TBX15: variants seen among roughly 807,000 people sequenced by gnomAD.
The protein encoded by TBX15 is T-box transcription factor TBX15.
Under a neutral mutation model 53.9 loss-of-function variants are expected in TBX15, and 18 were observed. The ratio of observed to expected loss-of-function variants is 0.33; its 90% CI spans 0.23 to 0.49. The LOEUF (loss-of-function observed/expected upper bound fraction) is 0.49. Among genes scored for constraint, TBX15 ranks in the 20% least tolerant of loss-of-function variants. The pLI is 0.98. For synonymous variants in TBX15, 295 were observed against 278.0 expected, an observed-to-expected ratio of 1.06 and a Z score of -0.61; for missense variants, 692 against 749.5, an observed-to-expected ratio of 0.92 and a Z score of 0.90.
chr1:118,957,805 C>T (rs967462525), intron 1 of TBX15, among the ~76,000 whole-genome samples: 1 of 152,132 alleles, frequency 6.6e-6, no homozygotes, highest in African/African-American at 2.4e-5. Context: ...ATGAACTCAT[C>T]CTTTTTTATG....
intron 7 of TBX15, among the ~76,000 whole-genome samples, chr1:118,891,738 G>A (rs1288915979): frequency 6.6e-6 from 1 of 152,110 alleles, no homozygotes; most frequent in Admixed American, 6.6e-5. Context: ...TTTATACCAT[G>A]GGGAAACTGA....
Position 118,885,116 on chromosome 1 carries a change from G to A in TBX15, c.1425C>T (p.Ser475=). ...CTGCCTGCATGACATACTGAAACTGGGAAGTGGGAAAGGACCCCAGCTGGC... is the reference window on the plus strand; with the variant it reads ...CTGCCTGCATGACATACTGAAACTGAGAAGTGGGAAAGGACCCCAGCTGGC... ...YGGQLGSFPT[S]QFQYVMQAGN... Residue 475 remains serine, a synonymous_variant, in exon 8 of 8, where the codon TCC becomes TCT. Transcript: ENST00000369429. 2 of 1,614,166 alleles carry A rather than the reference G, an allele frequency of 1.2e-6. No individual in the cohort carries two copies. The highest frequency in any genetic ancestry group is 1.7e-6 in the Non-Finnish European group (2 of 1,180,030).
chr1:118,893,448 AGAAGGAAGGAAG>A (rs1303599260), intron 7 of TBX15, among the ~76,000 whole-genome samples: 1 of 137,570 alleles, frequency 7.3e-6, no homozygotes, highest in African/African-American at 2.8e-5. Flanking sequence ...AAGGAAGGAA[AGAAGGAAGGAAG>A]GAAAGAAAGG....
intron 1 of TBX15, among the ~76,000 whole-genome samples, chr1:118,985,807 C>G (rs1657811745): frequency 6.6e-6 from 1 of 152,212 alleles, no homozygotes; most frequent in African/African-American, 2.4e-5. Flanking sequence ...CCCGCGGGAG[C>G]GAGTAAATAG....
chr1:118,923,736 GA>G, intron 4 of TBX15, 133 bp from the exon 5 acceptor site: 1 of 1,065,994 alleles, frequency 9.4e-7, no homozygotes, highest in Non-Finnish European at 1.4e-6. Flanking sequence ...CAGAAAACTA[GA>G]AATCAGTATA....
At position 118,885,212 on chromosome 1, in the gene TBX15, A is replaced by C; in HGVS notation, c.1329T>G (p.Thr443=). The change falls in exon 8 of 8, where the codon ACT becomes ACG. Residue 443 remains threonine (T), a synonymous_variant. Coordinates refer to ENST00000369429, the MANE Select transcript of TBX15 (RefSeq NM_001330677.2). ...TTGGTATTCCTGAGATCAGGGATGG[A>C]GTCCTCTGAGGCATGAAGGTTTCAG... ...QPSETFMPQR[T]PSLISGIPTP... is the part of the protein sequence containing the mutation. 1 of 1,614,140 alleles carries C rather than the reference A, an allele frequency of 6.2e-7. No individual in the cohort carries two copies. Among genetic ancestry groups the C allele is most frequent in the Non-Finnish European group, 8.5e-7 (1 of 1,180,024 alleles).
At chr1:118,974,398 A>G (rs1657350776) in intron 1 of TBX15, among the ~76,000 whole-genome samples, 1 of 152,196 alleles carries the variant, frequency 6.6e-6, no homozygotes, top group Non-Finnish European at 1.5e-5. Flanking sequence ...AATATGACAG[A>G]CTGTACAACT....
intron 1 of TBX15, among the ~76,000 whole-genome samples, chr1:118,979,953 C>G (rs1571220564): frequency 6.6e-6 from 1 of 152,194 alleles, no homozygotes; most frequent in African/African-American, 2.4e-5. Context: ...CGTTCCGGCC[C>G]CGCGGCGCCT....
intron 1 of TBX15, among the ~76,000 whole-genome samples, chr1:118,970,667 C>T (rs142781547): frequency 1.3e-5 from 2 of 152,320 alleles, no homozygotes; most frequent in Non-Finnish European, 2.9e-5. Context: ...CCAAAAAGCA[C>T]CTGGCACTCT....
chr1:118,930,525 C>T (rs1377387557), intron 2 of TBX15, among the ~76,000 whole-genome samples: 1 of 152,206 alleles, frequency 6.6e-6, no homozygotes, highest in Non-Finnish European at 1.5e-5. Context: ...AAGCGATTCT[C>T]CTGCCTCAGC....
intron 1 of TBX15, among the ~76,000 whole-genome samples, chr1:118,980,879 T>C (rs927814223): frequency 2.0e-5 from 3 of 152,124 alleles, no homozygotes; most frequent in Non-Finnish European, 4.4e-5. Flanking sequence ...GTCACCCAGG[T>C]TGGAGTGCAG....
intron 3 of TBX15, among the ~76,000 whole-genome samples, chr1:118,925,281 A>G (rs1166493950): frequency 1.3e-5 from 2 of 152,136 alleles, no homozygotes; most frequent in African/African-American, 4.8e-5. Flanking sequence ...AACATCTTCC[A>G]TATTGTCCTA....
intron 6 of TBX15, chr1:118,901,242 G>A: frequency 2.5e-6 from 1 of 394,854 alleles, no homozygotes; most frequent in Non-Finnish European, 5.0e-6. Flanking sequence ...ACCTGGTAGG[G>A]GCCTTTGTGC....
At chr1:118,944,877 C>G (rs1244270823) in intron 1 of TBX15, among the ~76,000 whole-genome samples, 2 of 152,180 alleles carry the variant, frequency 1.3e-5, no homozygotes, top group Non-Finnish European at 2.9e-5. Flanking sequence ...TCCTGAGCAC[C>G]TGGGCTTGCG....
chr1:118,894,714 C>T (rs573906722), intron 7 of TBX15, among the ~76,000 whole-genome samples: 4 of 152,046 alleles, frequency 2.6e-5, no homozygotes, highest in African/African-American at 7.2e-5. Context: ...TTCTCCTTCC[C>T]CATGGAGAGG....
chr1:118,955,690 G>A (rs969204514), intron 1 of TBX15, among the ~76,000 whole-genome samples: 1 of 152,124 alleles, frequency 6.6e-6, no homozygotes, highest in East Asian at 1.9e-4. Context: ...AAAAAAGGCA[G>A]GGAATCACAT....
chr1:118,959,422 C>A (rs1656793956), intron 1 of TBX15, among the ~76,000 whole-genome samples: 1 of 152,206 alleles, frequency 6.6e-6, no homozygotes, highest in Non-Finnish European at 1.5e-5. Flanking sequence ...TGTTTCAGGC[C>A]TGAGAGATGA....
chr1:118,885,580 A>C, intron 7 of TBX15, 64 bp from the exon 8 acceptor site: 1 of 1,542,246 alleles, frequency 6.5e-7, no homozygotes, highest in Non-Finnish European at 8.8e-7. Flanking sequence ...CCTAAGTCAC[A>C]TGCAAGCCAT....
chr1:118,901,158 G>C (rs1034509396), intron 6 of TBX15, among the ~76,000 whole-genome samples: 1 of 152,132 alleles, frequency 6.6e-6, no homozygotes, highest in African/African-American at 2.4e-5. Flanking sequence ...CCATATGCTA[G>C]GTAATTTATA....
Sources: allele counts gnomAD v4.1 joint callset (sites outside exome capture counted in the v4.1 genomes callset), GRCh38; gene constraint gnomAD v4.1.1; transcripts MANE v1.5; gene names NCBI Gene and HGNC (gene_info 2026-07-23, HGNC 2026-07-21).